The following IL12RB2 variants were observed in gnomAD, a reference collection of about 807,000 sequenced individuals.
The protein encoded by IL12RB2 is interleukin-12 receptor subunit beta-2.
In IL12RB2, 82 loss-of-function variants were observed where a neutral mutation model predicts 89.4. That is an observed-to-expected ratio of 0.92 (90% CI 0.77 to 1.10). IL12RB2 has a LOEUF of 1.10. Among genes scored for constraint, IL12RB2 ranks in the 50% least tolerant of loss-of-function variants. The pLI is 0.00. For missense variants in IL12RB2, 963 were observed against 1,031.9 expected (o/e 0.93, Z 0.92); for synonymous variants, 368 against 370.1 (o/e 0.99, Z 0.07).
chr1:67,327,343 G>C (rs1657473293), intron 5 of IL12RB2, among the ~76,000 whole-genome samples: 1 of 152,130 alleles, frequency 6.6e-6, no homozygotes, highest in Admixed American at 6.5e-5. Flanking sequence ...TATGTTTATA[G>C]TTAAAACTGG....
At chr1:67,389,850 T>C (rs1307552230) in intron 15 of IL12RB2, among the ~76,000 whole-genome samples, 179 bp from the exon 16 acceptor site, 2 of 152,236 alleles carry the variant, frequency 1.3e-5, no homozygotes, top group African/African-American at 4.8e-5. Flanking sequence ...AGTGGCTGTG[T>C]TGTAATTTTA....
intron 14 of IL12RB2, among the ~76,000 whole-genome samples, chr1:67,381,895 A>G (rs1664634093): frequency 6.6e-6 from 1 of 152,162 alleles, no homozygotes; most frequent in Non-Finnish European, 1.5e-5. Flanking sequence ...CTGAGGCAAG[A>G]GAATCACTTG....
In IL12RB2 at chr1:67,326,592, C is replaced by A. The variant is rs1657317080; in HGVS notation, c.365-143C>A. On this transcript the variant is annotated intron_variant, in intron 4 of 16. Transcript: ENST00000674203. ...TTTACACCTTAATGGCAAACTGGGACTTGAATGGAATCTAAAATAGCTTCT... is the reference window on the plus strand; with the variant it reads ...TTTACACCTTAATGGCAAACTGGGAATTGAATGGAATCTAAAATAGCTTCT... 2.2e-6 allele frequency: 3 copies of A among 1,369,344 alleles called. No individual in the cohort carries two copies. In the African/African-American group the frequency reaches 4.3e-5, roughly 20 times the overall value. The allele number at this position is 1,369,344 out of a possible 1,614,324, so 84.8% of individuals were successfully genotyped here. A position where few individuals can be genotyped will look rare whatever the true frequency, so the allele number is the denominator to read the frequency against.
intron 9 of IL12RB2, 123 bp from the exon 10 acceptor site, chr1:67,350,747 T>C (rs936898009): frequency 6.5e-7 from 1 of 1,538,782 alleles, no homozygotes; most frequent in African/African-American, 1.4e-5. Context: ...GAACATGAGA[T>C]GATATGAACA....
chr1:67,395,656 G>A lies in IL12RB2; in HGVS notation c.2156G>A (p.Arg719Lys). 1 of 1,614,176 alleles carries A rather than the reference G, an allele frequency of 6.2e-7. No individual in the cohort carries two copies. The highest frequency in any genetic ancestry group is 8.5e-7 in the Non-Finnish European group (1 of 1,180,024). Reference protein sequence around the residue: ...EVLHQVTPVFRHPPCSNWPQR... With the variant: ...EVLHQVTPVFKHPPCSNWPQR... ...CTTCATCAAGTGACCCCAGTTTTCA[G>A]ACATCCCCCCTGCTCCAACTGGCCA... Residue 719 changes from arginine to lysine, a missense_variant, in exon 17 of 17, where the codon AGA becomes AAA. Arg to Lys is a conservative substitution (Grantham distance 26). Transcript: ENST00000674203.
chr1:67,395,637 C>T lies in IL12RB2; in HGVS notation c.2137C>T (p.Gln713Ter). ...GCTGGTCATCAGTGAAGTCCTTCAT[C>T]AAGTGACCCCAGTTTTCAGACATCC... ...EPLVISEVLH[Q>*]VTPVFRHPPC... Residue 713 changes from glutamine to a stop codon, truncating the protein, a stop_gained, in exon 17 of 17, where the codon CAA becomes TAA. Transcript: ENST00000674203. LOFTEE classifies it low-confidence loss of function (END_TRUNC). The T allele has an allele frequency of 1.2e-6, 2 of 1,614,246 alleles. No individual in the cohort carries two copies. The highest frequency in any genetic ancestry group is 2.2e-5 in the East Asian group (1 of 44,888).
In IL12RB2 at chr1:67,357,777, ACTGAT is replaced by A. The variant is rs371128856; in HGVS notation, c.1258+6693_1258+6697del. ...GCCGATGGGATGAATAGCAGAGAGG[ACTGAT>A]CTGAAGATTAAATTAGTGAGAGGAA... On this transcript the variant is annotated intron_variant, in intron 10 of 16. Transcript: ENST00000674203. Among the ~76,000 whole-genome samples the A allele has an allele frequency of 1.5e-4, 23 of 152,336 alleles. No homozygotes were observed. The East Asian group carries it at 3.1e-3, about 20-fold the overall frequency.
In IL12RB2 at chr1:67,397,189, T is replaced by C. The variant is rs1256456131; in HGVS notation, c.*1100T>C. Among the ~76,000 whole-genome samples the C allele has an allele frequency of 1.3e-5, 2 of 152,130 alleles. No homozygotes were observed. The highest frequency in any genetic ancestry group is 6.5e-5 in the Admixed American group (1 of 15,268). ...TAGATTTGCTGGTTTATTGTTTTAT[T>C]TTGGCTTCATCCTCTTTCAGCAAAT... is the stretch of plus-strand genomic sequence containing the variant. On this transcript the variant is annotated 3_prime_UTR_variant, in exon 17 of 17. Coordinates refer to ENST00000674203, the MANE Select transcript of IL12RB2 (RefSeq NM_001374259.2).
intron 8 of IL12RB2, among the ~76,000 whole-genome samples, chr1:67,338,149 T>C (rs1003355319): frequency 6.6e-6 from 1 of 151,044 alleles, no homozygotes; most frequent in African/African-American, 2.4e-5. Flanking sequence ...GGCAACATGA[T>C]GAAAGCCTGT....
intron 8 of IL12RB2, among the ~76,000 whole-genome samples, chr1:67,335,658 T>C (rs1294029270): frequency 1.3e-5 from 2 of 152,210 alleles, no homozygotes; most frequent in Non-Finnish European, 2.9e-5. Flanking sequence ...CATGTGCCTA[T>C]AATAGTTTTA....
chr1:67,324,193 G>T (rs1656970658), intron 4 of IL12RB2, among the ~76,000 whole-genome samples: 1 of 152,234 alleles, frequency 6.6e-6, no homozygotes, highest in Non-Finnish European at 1.5e-5. Flanking sequence ...ATGTACATGG[G>T]TACGTATATA....
Position 67,330,905 on chromosome 1 carries a change from A to G in IL12RB2, c.958+95A>G. The G allele has an allele frequency of 3.8e-6, 3 of 792,170 alleles. No individual in the cohort carries two copies. In the South Asian group the frequency reaches 4.1e-5, roughly 11 times the overall value. The allele number at this position is 792,170 out of a possible 1,614,324, so 49.1% of individuals were successfully genotyped here. On this transcript the variant is annotated intron_variant, in intron 8 of 16. Transcript: ENST00000674203. ...TTCCTTGGAATAGAATCTTTAAACTACTGGTGCTGAATCAAAAAGCATGAC... is the reference window on the plus strand; with the variant it reads ...TTCCTTGGAATAGAATCTTTAAACTGCTGGTGCTGAATCAAAAAGCATGAC...
chr1:67,330,042 T>C (rs974885394), intron 7 of IL12RB2, among the ~76,000 whole-genome samples: 2 of 152,142 alleles, frequency 1.3e-5, no homozygotes, highest in African/African-American at 4.8e-5. Flanking sequence ...AAAAAAGATA[T>C]TGAAAAGAGA....
At chr1:67,315,678 G>T (rs1223422270) in intron 2 of IL12RB2, among the ~76,000 whole-genome samples, 1 of 152,218 alleles carries the variant, frequency 6.6e-6, no homozygotes, top group East Asian at 1.9e-4. Flanking sequence ...AGTAGAGTCA[G>T]TTACTTAAAT....
rs534222029 is a variant in IL12RB2 at position 67,382,239 on chromosome 1, G to A, written c.1855+2116G>A. The stretch of plus-strand genomic sequence containing the variant: ...TCAATTAAAAAAGAAAGGAAGGCCA[G>A]ATCCTCCTGATTGTATGGGGTAGAA... On this transcript the variant is annotated intron_variant, in intron 14 of 16. Transcript: ENST00000674203. Among the ~76,000 whole-genome samples the A allele has an allele frequency of 5.9e-5, 9 of 152,298 alleles. No homozygotes were observed. The East Asian group carries it at 1.5e-3, about 26-fold the overall frequency.
chr1:67,396,162 G>A lies in IL12RB2; in HGVS notation c.*73G>A. On this transcript the variant is annotated 3_prime_UTR_variant, in exon 17 of 17. Transcript: ENST00000674203. ...GCCTGCCCCAATTCCCCCAGCCCCTGCTCCAGCAGCTGTCATCTCTGGGTG... is the reference window on the plus strand; with the variant it reads ...GCCTGCCCCAATTCCCCCAGCCCCTACTCCAGCAGCTGTCATCTCTGGGTG... 1 of 913,656 alleles carries A rather than the reference G, an allele frequency of 1.1e-6. No individual in the cohort carries two copies. Among genetic ancestry groups the A allele is most frequent in the Non-Finnish European group, 1.8e-6 (1 of 551,724 alleles). The allele number at this position is 913,656 out of a possible 1,614,324, so 56.6% of individuals were successfully genotyped here.
At chr1:67,323,201 A>G (rs1656813274) in intron 4 of IL12RB2, among the ~76,000 whole-genome samples, 1 of 152,222 alleles carries the variant, frequency 6.6e-6, no homozygotes, top group African/African-American at 2.4e-5. Flanking sequence ...AGCACGGAGC[A>G]GAAGACCAAG....
intron 4 of IL12RB2, among the ~76,000 whole-genome samples, chr1:67,324,518 G>T (rs1163950562): frequency 6.6e-6 from 1 of 152,116 alleles, no homozygotes; most frequent in East Asian, 1.9e-4. Context: ...ACCATGTCTG[G>T]CTAATTTTTG....
In IL12RB2 at chr1:67,307,937, C is replaced by T. The variant is rs555380010; in HGVS notation, c.-155C>T. On this transcript the variant is annotated 5_prime_UTR_variant, in exon 1 of 17. Transcript: ENST00000674203. ...CGGGGCCACCCGGTCCCCGCAGGCC[C>T]GGGACCGCGCCCGCTGGCAGGCGAC... The T allele has an allele frequency of 1.3e-5, 2 of 152,020 alleles. No individual in the cohort carries two copies. The highest frequency in any genetic ancestry group is 3.9e-4 in the East Asian group (2 of 5,136). 9.4% of individuals were successfully genotyped at this position (152,020 alleles called of 1,614,324 possible).
Sources: gnomAD v4.1 joint callset for allele counts (sites outside exome capture counted in the v4.1 genomes callset) on GRCh38, gnomAD v4.1.1 for gene constraint, MANE v1.5 for transcripts, NCBI Gene and HGNC (gene_info 2026-07-23, HGNC 2026-07-21) for gene names.